PAWR: variants seen among roughly 807,000 people sequenced by gnomAD.
PAWR encodes PRKC apoptosis WT1 regulator protein.
In PAWR, 23 loss-of-function variants were observed where a neutral mutation model predicts 32.0. The ratio of observed to expected loss-of-function variants is 0.72; its 90% CI spans 0.52 to 1.02. The LOEUF (loss-of-function observed/expected upper bound fraction) is 1.02. PAWR is among the 50% of genes least tolerant of loss of function. The pLI is 0.00. For synonymous variants in PAWR, 226 were observed against 187.1 expected (o/e 1.21, Z -1.70); for missense variants, 457 against 437.7 (o/e 1.04, Z -0.39).
intron 3 of PAWR, among the ~76,000 whole-genome samples, chr12:79,613,948 T>C (rs1874566404): frequency 9.1e-4 from 5 of 5,480 alleles, no homozygotes; most frequent in Admixed American, 3.9e-3. Flanking sequence ...TATATATATA[T>C]ATATATATAT....
chr12:79,630,076 A>C (rs1475465434), intron 2 of PAWR, among the ~76,000 whole-genome samples: 2 of 150,142 alleles, frequency 1.3e-5, no homozygotes, highest in Non-Finnish European at 3.0e-5. Flanking sequence ...GGGCAAATTA[A>C]ACCCAAAATA....
chr12:79,631,021 AC>A (rs1186185711), intron 2 of PAWR, among the ~76,000 whole-genome samples: 1 of 152,202 alleles, frequency 6.6e-6, no homozygotes, highest in Non-Finnish European at 1.5e-5. Context: ...ACTTTGTTTA[AC>A]CTTCAAATCA....
At chr12:79,639,917 A>G (rs934812245) in intron 2 of PAWR, among the ~76,000 whole-genome samples, 12 of 127,306 alleles carry the variant, frequency 9.4e-5, no homozygotes, top group Non-Finnish European at 1.2e-4. Flanking sequence ...ATTCCATTCT[A>G]TTCTAGAGAT....
rs1036787620 is a variant in PAWR at position 79,591,184 on chromosome 12, C to T, written c.*1423G>A. 1.3e-5 allele frequency: 2 copies of T among 152,160 alleles called. No individual in the cohort carries two copies. The highest frequency in any genetic ancestry group is 1.5e-5 in the Non-Finnish European group (1 of 68,044). The allele number at this position is 152,160 out of a possible 1,614,324, so 9.4% of individuals were successfully genotyped here. On this transcript the variant is annotated 3_prime_UTR_variant, in exon 7 of 7. Transcript: ENST00000328827. ...ATTGGCCAAGCTGGAAACTTCTGAACTGGGGGAGAAAGCCAACCTAGGTAA... is the reference window on the plus strand; with the variant it reads ...ATTGGCCAAGCTGGAAACTTCTGAATTGGGGGAGAAAGCCAACCTAGGTAA...
chr12:79,687,280 G>A (rs1010960671), intron 2 of PAWR, among the ~76,000 whole-genome samples: 7 of 151,896 alleles, frequency 4.6e-5, no homozygotes, highest in Non-Finnish European at 7.4e-5. Context: ...AGTCAATTCT[G>A]GTATCTTTAG....
chr12:79,586,597 G>A lies in PAWR; in HGVS notation c.*6010C>T, dbSNP rs1176579372. 2.0e-5 allele frequency: 3 copies of A among 152,182 alleles called. No individual in the cohort carries two copies. Among genetic ancestry groups the A allele is most frequent in the Non-Finnish European group, 4.4e-5 (3 of 68,020 alleles). The allele number at this position is 152,182 out of a possible 1,614,324, so 9.4% of individuals were successfully genotyped here. On this transcript the variant is annotated 3_prime_UTR_variant, in exon 7 of 7. Coordinates refer to ENST00000328827, the MANE Select transcript of PAWR (RefSeq NM_002583.4). ...TGTGGATTAACAATAGTGAATAACT[G>A]AGCACATATTAACATGAATAACATA...
Position 79,592,310 on chromosome 12 carries a change from T to C in PAWR, c.*297A>G, listed in dbSNP as rs1023417362. On this transcript the variant is annotated 3_prime_UTR_variant, in exon 7 of 7. Transcript: ENST00000328827. ...AAATGTACTACCAAGATAAAATATA[T>C]TCAAACGGCTGTGACTTTAAACCAT... is the stretch of plus-strand genomic sequence containing the variant. 2 of 281,266 alleles carry C rather than the reference T, an allele frequency of 7.1e-6. No individual in the cohort carries two copies. Among genetic ancestry groups the C allele is most frequent in the African/African-American group, 4.6e-5 (2 of 43,476 alleles). 17.4% of individuals were successfully genotyped at this position (281,266 alleles called of 1,614,324 possible).
chr12:79,617,285 G>A (rs1874785722), intron 3 of PAWR, among the ~76,000 whole-genome samples: 1 of 152,170 alleles, frequency 6.6e-6, no homozygotes, highest in East Asian at 1.9e-4. Flanking sequence ...AGAGAAGGTG[G>A]AGGTTGCAGT....
At chr12:79,632,355 A>AT (rs1566011179) in intron 2 of PAWR, among the ~76,000 whole-genome samples, 1 of 17,798 alleles carries the variant, frequency 5.6e-5, no homozygotes, top group African/African-American at 3.3e-4. Flanking sequence ...ATATATATAT[A>AT]TATATATTTT....
chr12:79,640,837 G>A (rs917664333), intron 2 of PAWR, among the ~76,000 whole-genome samples: 48 of 152,156 alleles, frequency 3.2e-4, no homozygotes, highest in Non-Finnish European at 2.9e-5. Flanking sequence ...GGGAACACAG[G>A]GATACATATT....
chr12:79,639,411 T>C (rs916523814), intron 2 of PAWR, among the ~76,000 whole-genome samples: 5 of 152,198 alleles, frequency 3.3e-5, no homozygotes, highest in African/African-American at 7.2e-5. Context: ...GTATAAATTA[T>C]GTGGAGAGTT....
rs1458276945 is a variant in PAWR, at chr12:79,679,272, T to C, written c.516+10457A>G. On this transcript the variant is annotated intron_variant, in intron 2 of 6. Coordinates refer to ENST00000328827, the MANE Select transcript of PAWR (RefSeq NM_002583.4). The stretch of plus-strand genomic sequence containing the variant: ...AGAAACATTTACATATAGATTCTTA[T>C]AAAAGAATCTATAAAAAATGCTGCA... Among the ~76,000 whole-genome samples the C allele has an allele frequency of 2.0e-5, 3 of 152,050 alleles. No individual in the cohort carries two copies. In the South Asian group the frequency reaches 6.2e-4, roughly 32 times the overall value.
chr12:79,629,007 A>G, intron 2 of PAWR, among the ~76,000 whole-genome samples: 1 of 152,166 alleles, frequency 6.6e-6, no homozygotes, highest in East Asian at 1.9e-4. Flanking sequence ...AACTGCTTTA[A>G]AAGCCAATCA....
intron 4 of PAWR, among the ~76,000 whole-genome samples, chr12:79,604,875 C>T (rs1249795501): frequency 6.6e-6 from 1 of 152,154 alleles, no homozygotes; most frequent in South Asian, 2.1e-4. Context: ...AGTAATTCCA[C>T]TAACCCAGAG....
Position 79,592,681 on chromosome 12 carries a change from T to C in PAWR, c.949A>G (p.Ile317Val), listed in dbSNP as rs1188724611. Reference protein sequence around the residue: ...IDLLNRDLDDIEDENEQLKQE... With the variant: ...IDLLNRDLDDVEDENEQLKQE... ...TTTAGCTGTTCATTTTCATCTTCTA[T>C]GTCATCTAGGTCCTTAAGAAAAAAA... Residue 317 changes from isoleucine to valine, a missense_variant, in exon 7 of 7, where the codon ATA becomes GTA. Ile to Val is a conservative substitution (Grantham distance 29). Coordinates refer to ENST00000328827, the MANE Select transcript of PAWR (RefSeq NM_002583.4). 1.4e-5 allele frequency: 11 copies of C among 759,372 alleles called. No homozygotes were observed. In the Admixed American group the frequency reaches 1.7e-4, roughly 12 times the overall value. The allele number at this position is 759,372 out of a possible 1,614,324, so 47.0% of individuals were successfully genotyped here.
chr12:79,617,895 C>T (rs1464043804), intron 3 of PAWR, among the ~76,000 whole-genome samples: 2 of 152,116 alleles, frequency 1.3e-5, no homozygotes, highest in South Asian at 2.1e-4. Flanking sequence ...CTCTCTCTCT[C>T]GCTCCTGCTC....
In PAWR at chr12:79,632,334, TA is replaced by T. The variant is rs1875711789; in HGVS notation, c.517-11128del. Among the ~76,000 whole-genome samples, 12 of 55,130 alleles carry T rather than the reference TA, an allele frequency of 2.2e-4. 1 individual carries two copies. The highest frequency in any genetic ancestry group is 1.8e-3 in the African/African-American group (8 of 4,440). The allele number at this position is 55,130 out of a possible 152,430, so 36.2% of individuals were successfully genotyped here. On this transcript the variant is annotated intron_variant, in intron 2 of 6. Coordinates refer to ENST00000328827, the MANE Select transcript of PAWR (RefSeq NM_002583.4). ...ATACATATATATATATATATATATATATATATATATATATATATATATATAT... is the reference window on the plus strand; with the variant it reads ...ATACATATATATATATATATATATATTATATATATATATATATATATATAT...
intron 2 of PAWR, among the ~76,000 whole-genome samples, chr12:79,632,845 C>T (rs915145618): frequency 2.6e-5 from 4 of 152,032 alleles, no homozygotes; most frequent in African/African-American, 7.2e-5. Flanking sequence ...TCAAAATGTA[C>T]TATCATAGCC....
chr12:79,639,647 C>T (rs1876181743), intron 2 of PAWR, among the ~76,000 whole-genome samples: 1 of 152,082 alleles, frequency 6.6e-6, no homozygotes. Flanking sequence ...ATAATGCATA[C>T]CTTCATTTTC....
Sources: gnomAD v4.1 joint callset for allele counts (sites outside exome capture counted in the v4.1 genomes callset) on GRCh38, gnomAD v4.1.1 for gene constraint, MANE v1.5 for transcripts, NCBI Gene and HGNC (gene_info 2026-07-23, HGNC 2026-07-21) for gene names.